The following SPATA31D1 variants were observed in gnomAD, a reference collection of about 807,000 sequenced individuals.
SPATA31D1 encodes the protein spermatogenesis-associated protein 31D1.
In SPATA31D1, 6 loss-of-function variants were observed where a neutral mutation model predicts 13.2. That is an observed-to-expected ratio of 0.46 (90% CI 0.25 to 0.90). The LOEUF (loss-of-function observed/expected upper bound fraction) is 0.90, where lower values mean the gene tolerates loss of function less well. Ranked by LOEUF, SPATA31D1 falls within the 40% of genes least tolerant of loss-of-function variation. SPATA31D1 has a pLI of 0.18. For synonymous variants in SPATA31D1, 903 were observed against 718.8 expected (o/e 1.26, Z -4.10); for missense variants, 2,445 against 1,884.7 (o/e 1.30, Z -5.50).
intron 1 of SPATA31D1, among the ~76,000 whole-genome samples, chr9:81,989,410 G>C (rs1291941220): frequency 6.6e-6 from 1 of 152,176 alleles, no homozygotes; most frequent in African/African-American, 2.4e-5. Context: ...GTGTTGGGCT[G>C]ACCAGAGGAG....
Position 81,994,899 on chromosome 9 carries a change from C to G in SPATA31D1, c.4429C>G (p.Gln1477Glu). ...GACACGTACCAAATCTTGCAGCCAA[C>G]AAGCTATCTTTGTTGGCCAGAATTA... ...KVTRTKSCSQQAIFVGQNYPT... is the reference protein window; with the variant it reads ...KVTRTKSCSQEAIFVGQNYPT... The change falls in exon 4 of 4, where the codon CAA becomes GAA. Residue 1477 changes from glutamine (Q) to glutamate (E), a missense_variant. Gln to Glu is a conservative substitution (Grantham distance 29). Transcript: ENST00000344803. 6.2e-7 allele frequency: 1 copy of G among 1,613,986 alleles called. No individual in the cohort carries two copies. The highest frequency in any genetic ancestry group is 1.1e-5 in the South Asian group (1 of 91,082).
intron 1 of SPATA31D1, among the ~76,000 whole-genome samples, 167 bp from the exon 2 acceptor site, chr9:81,989,611 G>A (rs1824912475): frequency 6.6e-6 from 1 of 152,036 alleles, no homozygotes; most frequent in Non-Finnish European, 1.5e-5. Context: ...AGGAAAAATG[G>A]GAGCTATTTT....
rs779554486 is a variant in SPATA31D1, at chr9:81,993,890, T to C, written c.3420T>C (p.Leu1140=). 1 of 1,613,986 alleles carries C rather than the reference T, an allele frequency of 6.2e-7. No individual in the cohort carries two copies. Among genetic ancestry groups the C allele is most frequent in the East Asian group, 2.2e-5 (1 of 44,866 alleles). ...RKSSFHNVDR[L]QGSRKTFPVT... ...GTTCCTTTCATAATGTAGACAGGCT[T>C]CAGGGCAGTAGAAAGACCTTTCCTG... Residue 1140 remains leucine, a synonymous_variant, in exon 4 of 4, where the codon CTT becomes CTC. Coordinates refer to ENST00000344803, the MANE Select transcript of SPATA31D1 (RefSeq NM_001001670.3).
In SPATA31D1 at chr9:81,991,041, A is replaced by C. The variant is rs1457205735; in HGVS notation, c.571A>C (p.Lys191Gln). The change falls in exon 4 of 4, where the codon AAG (lysine) becomes CAG (glutamine). Residue 191 changes from lysine to glutamine, a missense_variant. Lys to Gln is a moderately conservative substitution (Grantham distance 53, BLOSUM62 1). Coordinates refer to ENST00000344803, the MANE Select transcript of SPATA31D1 (RefSeq NM_001001670.3). Reference sequence around the variant, plus strand: ...AGACCTAATACTGTCCCCTCGGCCTAAGGCCTCTCCACCACCCCCCTTAAT... The same window carrying C: ...AGACCTAATACTGTCCCCTCGGCCTCAGGCCTCTCCACCACCCCCCTTAAT... ...PEDLILSPRP[K>Q]ASPPPPLILS... The C allele has an allele frequency of 1.2e-6, 2 of 1,613,398 alleles. No individual in the cohort carries two copies. The highest frequency in any genetic ancestry group is 1.7e-6 in the Non-Finnish European group (2 of 1,179,674).
chr9:81,990,200 G>A (rs1311035792), intron 2 of SPATA31D1: 7 of 531,352 alleles, frequency 1.3e-5, no homozygotes, highest in Admixed American at 6.8e-5. Flanking sequence ...TGTGTTTCAC[G>A]TGGTGGTTTT....
chr9:81,987,979 G>C (rs755140409), upstream of SPATA31D1, among the ~76,000 whole-genome samples: 11 of 152,150 alleles, frequency 7.2e-5, no homozygotes, highest in Non-Finnish European at 1.6e-4. Context: ...TGGAATACAT[G>C]AGGCAGCGTT....
In SPATA31D1 at chr9:81,991,710, C is replaced by T; in HGVS notation, c.1240C>T (p.Leu414Phe). The change falls in exon 4 of 4, where the codon CTC (leucine) becomes TTC (phenylalanine). Residue 414 changes from leucine (L) to phenylalanine (F), a missense_variant. Physicochemically the swap from Leu to Phe is conservative, Grantham distance 22 (BLOSUM62 0). Coordinates refer to ENST00000344803, the MANE Select transcript of SPATA31D1 (RefSeq NM_001001670.3). The stretch of plus-strand genomic sequence containing the variant: ...ATTTCTCAGCCATGACATTCTGGCA[C>T]TCCTGGAGAGACAAGTCAAAAAAAG... ...ISFLSHDILALLERQVKKRGD... is the reference protein window; with the variant it reads ...ISFLSHDILAFLERQVKKRGD... 1 of 1,613,814 alleles carries T rather than the reference C, an allele frequency of 6.2e-7. No individual in the cohort carries two copies. The highest frequency in any genetic ancestry group is 8.5e-7 in the Non-Finnish European group (1 of 1,179,800).
chr9:81,990,369 G>C (rs1488881459), intron 2 of SPATA31D1, 48 bp from the exon 3 acceptor site: 1 of 1,428,530 alleles, frequency 7.0e-7, no homozygotes, highest in Non-Finnish European at 9.6e-7. Flanking sequence ...ATTGACTTCT[G>C]TATGAGCCGT....
Position 81,991,872 on chromosome 9 carries a change from T to C in SPATA31D1, c.1402T>C (p.Phe468Leu). Residue 468 changes from phenylalanine to leucine, a missense_variant, in exon 4 of 4, where the codon TTT (phenylalanine) becomes CTT (leucine). By Grantham distance (22) the Phe-to-Leu change is conservative (BLOSUM62 0). Coordinates refer to ENST00000344803, the MANE Select transcript of SPATA31D1 (RefSeq NM_001001670.3). ...TGTTAAGCATGACTTGGCAGAATCC[T>C]TTCCTTTTTGGGCCAGTAAAGGCAA... ...IAVKHDLAES[F>L]PFWASKGKLE... 1 of 1,613,794 alleles carries C rather than the reference T, an allele frequency of 6.2e-7. No homozygotes were observed.
rs372453419 is a variant in SPATA31D1 at position 81,991,246 on chromosome 9, G to T, written c.776G>T (p.Ser259Ile). Residue 259 changes from serine to isoleucine, a missense_variant, in exon 4 of 4, where the codon AGC becomes ATC. Ser to Ile is a moderately radical substitution (Grantham distance 142). Coordinates refer to ENST00000344803, the MANE Select transcript of SPATA31D1 (RefSeq NM_001001670.3). ...CATCACATTGAGAGAGTGGAGTCCA[G>T]CCTCCAACCTGAAGCCAGTTTGTCT... ...PPHHIERVES[S>I]LQPEASLSLN... The T allele has an allele frequency of 3.1e-6, 5 of 1,613,846 alleles. 1 individual carries two copies. The African/African-American group carries it at 6.7e-5, about 22-fold the overall frequency.
Position 81,994,726 on chromosome 9 carries a change from A to G in SPATA31D1, c.4256A>G (p.His1419Arg), listed in dbSNP as rs1452605302. 5 of 1,613,938 alleles carry G rather than the reference A, an allele frequency of 3.1e-6. No individual in the cohort carries two copies. The highest frequency in any genetic ancestry group is 2.5e-6 in the Non-Finnish European group (3 of 1,179,868). ...TREFLEEKLGHRHGIDITCPQ... is the reference protein window; with the variant it reads ...TREFLEEKLGRRHGIDITCPQ... ...GAGTTCCTAGAAGAGAAGCTGGGGCATAGGCATGGGATAGATATCACCTGT... is the reference window on the plus strand; with the variant it reads ...GAGTTCCTAGAAGAGAAGCTGGGGCGTAGGCATGGGATAGATATCACCTGT... The change falls in exon 4 of 4, where the codon CAT (histidine) becomes CGT (arginine). Residue 1419 changes from histidine to arginine, a missense_variant. Coordinates refer to ENST00000344803, the MANE Select transcript of SPATA31D1 (RefSeq NM_001001670.3).
At position 81,993,435 on chromosome 9, in the gene SPATA31D1, G is replaced by T. The variant is rs1564175314; in HGVS notation, c.2965G>T (p.Val989Phe). 1.9e-6 allele frequency: 3 copies of T among 1,613,850 alleles called. No individual in the cohort carries two copies. The highest frequency in any genetic ancestry group is 1.3e-5 in the African/African-American group (1 of 75,014). ...SVPILDRPHPVSSPVVQEGQG... is the reference protein window; with the variant it reads ...SVPILDRPHPFSSPVVQEGQG... Reference sequence around the variant, plus strand: ...CCCCATCCTTGATCGTCCTCACCCTGTCTCCTCACCTGTCGTCCAAGAAGG... The same window carrying T: ...CCCCATCCTTGATCGTCCTCACCCTTTCTCCTCACCTGTCGTCCAAGAAGG... Residue 989 changes from valine to phenylalanine, a missense_variant, in exon 4 of 4, where the codon GTC becomes TTC. Val to Phe is a conservative substitution (Grantham distance 50). Transcript: ENST00000344803.
At position 81,993,561 on chromosome 9, in the gene SPATA31D1, G is replaced by A. The variant is rs1395758695; in HGVS notation, c.3091G>A (p.Asp1031Asn). Residue 1031 changes from aspartate to asparagine, a missense_variant, in exon 4 of 4, where the codon GAT becomes AAT. Coordinates refer to ENST00000344803, the MANE Select transcript of SPATA31D1 (RefSeq NM_001001670.3). ...CACATCCCTTAGAAGAGGTACTACA[G>A]ATTTTCAAAGCGAAAAATTAGATTC... ...ASTSLRRGTT[D>N]FQSEKLDSTS... The A allele has an allele frequency of 6.2e-7, 1 of 1,613,704 alleles. No homozygotes were observed. Among genetic ancestry groups the A allele is most frequent in the South Asian group, 1.1e-5 (1 of 91,078 alleles).
rs1405554886 is a variant in SPATA31D1, at chr9:81,994,947, A to G, written c.4477A>G (p.Ile1493Val). 2 of 1,613,996 alleles carry G rather than the reference A, an allele frequency of 1.2e-6. No individual in the cohort carries two copies. Among genetic ancestry groups the G allele is most frequent in the South Asian group, 1.1e-5 (1 of 91,076 alleles). Residue 1493 changes from isoleucine (I) to valine (V), a missense_variant, in exon 4 of 4, where the codon ATA (isoleucine) becomes GTA (valine). Transcript: ENST00000344803. ...QNYPTRIRQI[I>V]DKDRQPQKVE... ...TTATCCTACAAGGATTAGACAGATC[A>G]TAGACAAGGACAGACAGCCCCAGAA... is the stretch of plus-strand genomic sequence containing the variant.
Position 81,990,455 on chromosome 9 carries a change from G to A in SPATA31D1, c.271G>A (p.Glu91Lys), listed in dbSNP as rs185557260. 3.0e-5 allele frequency: 49 copies of A among 1,608,962 alleles called. No homozygotes were observed. The Admixed American group carries it at 7.4e-4, about 24-fold the overall frequency. Residue 91 changes from glutamate (E) to lysine (K), a missense_variant, in exon 3 of 4, where the codon GAG (glutamate) becomes AAG (lysine). Glu to Lys is a moderately conservative substitution (Grantham distance 56). Transcript: ENST00000344803. ...GAAAAGTTTCCAGAGAGAAGAGGAA[G>A]AGGAAAGGAAGCTGCTTTCTCTTCT... ...DWKSFQREEE[E>K]ERKLLSLLKS...
At position 81,991,969 on chromosome 9, in the gene SPATA31D1, A is replaced by G. The variant is rs1289251295; in HGVS notation, c.1499A>G (p.Tyr500Cys). Residue 500 changes from tyrosine to cysteine, a missense_variant, in exon 4 of 4, where the codon TAT becomes TGT. By Grantham distance (194) the Tyr-to-Cys change is radical. Transcript: ENST00000344803. ...KCFEDHLEQK[Y>C]VQLFWGLPSL... is the part of the protein sequence containing the mutation. The stretch of plus-strand genomic sequence containing the variant: ...TTTGAAGACCATTTAGAGCAAAAAT[A>G]TGTCCAGCTCTTCTGGGGTCTCCCA... 8 of 1,613,646 alleles carry G rather than the reference A, an allele frequency of 5.0e-6. No homozygotes were observed. Among genetic ancestry groups the G allele is most frequent in the Non-Finnish European group, 6.8e-6 (8 of 1,179,726 alleles).
intron 2 of SPATA31D1, chr9:81,990,080 C>T (rs1294241923): frequency 3.8e-6 from 2 of 526,950 alleles, no homozygotes; most frequent in African/African-American, 1.9e-5. Context: ...CTGAGATATC[C>T]AGGAGGGACT....
Position 81,992,696 on chromosome 9 carries a change from C to G in SPATA31D1, c.2226C>G (p.Cys742Trp), listed in dbSNP as rs369084497. Residue 742 changes from cysteine to tryptophan, a missense_variant, in exon 4 of 4, where the codon TGC becomes TGG. Coordinates refer to ENST00000344803, the MANE Select transcript of SPATA31D1 (RefSeq NM_001001670.3). ...LNISLVEGQR[C>W]NVLKKSASSF... ...TCTCTTTGGTTGAGGGTCAGAGGTG[C>G]AATGTTCTAAAGAAGTCCGCATCAA... The G allele has an allele frequency of 6.2e-6, 10 of 1,613,780 alleles. No individual in the cohort carries two copies. In the African/African-American group the frequency reaches 8.0e-5, roughly 13 times the overall value.
chr9:81,990,524 A>C, intron 3 of SPATA31D1, 38 bp downstream of exon 3: 1 of 1,545,444 alleles, frequency 6.5e-7, no homozygotes, highest in Non-Finnish European at 8.8e-7. Flanking sequence ...TTCCCACCCC[A>C]CTCCTTCTTC....
Sources: gnomAD v4.1 joint callset for allele counts (sites outside exome capture counted in the v4.1 genomes callset) on GRCh38, gnomAD v4.1.1 for gene constraint, MANE v1.5 for transcripts, NCBI Gene and HGNC (gene_info 2026-07-23, HGNC 2026-07-21) for gene names.